The following SET variants were observed in gnomAD, a reference collection of about 807,000 sequenced individuals.
SET encodes protein SET.
In SET, 4 loss-of-function variants were observed where a neutral mutation model predicts 39.0. That is an observed-to-expected ratio of 0.10 (90% CI 0.05 to 0.23). SET has a LOEUF of 0.23. Among genes scored for constraint, SET ranks in the 10% least tolerant of loss-of-function variants. The probability of loss-of-function intolerance (pLI) is 1.00; values close to 1 mark genes in which losing one functional copy is unlikely to be tolerated. For synonymous variants in SET, 114 were observed against 115.9 expected, an observed-to-expected ratio of 0.98 and a Z score of 0.11; for missense variants, 137 against 329.7, an observed-to-expected ratio of 0.42 and a Z score of 4.53.
At chr9:128,691,777 G>A (rs1564360175) in intron 2 of SET, 81 bp from the exon 3 acceptor site, 1 of 1,371,584 alleles carries the variant, frequency 7.3e-7, no homozygotes, top group African/African-American at 1.4e-5. Context: ...AAGCTAGTAA[G>A]TAAATACACT....
At position 128,693,816 on chromosome 9, in the gene SET, C is replaced by G. The variant is rs746575818; in HGVS notation, c.663+8C>G. On this transcript the variant is annotated splice_region_variant and intron_variant, in intron 6 of 7. Coordinates refer to ENST00000322030, the MANE Select transcript of SET (RefSeq NM_003011.4). ...CCATTACAGTACTACTTGGTGAGTT[C>G]TAATACTCATTTATTCAAGGTTGGA... is the stretch of plus-strand genomic sequence containing the variant. 1 of 1,609,802 alleles carries G rather than the reference C, an allele frequency of 6.2e-7. No individual in the cohort carries two copies. The highest frequency in any genetic ancestry group is 8.5e-7 in the Non-Finnish European group (1 of 1,178,828).
In SET at chr9:128,693,931, A is replaced by G. The variant is rs1166965496; in HGVS notation, c.699A>G (p.Glu233=). Residue 233 remains glutamate, a synonymous_variant, in exon 7 of 8, where the codon GAA becomes GAG. Transcript: ENST00000322030. The part of the protein sequence containing the change: ...PDMDDEEGEG[E]EDDDDDEEEE... ...TGGATGATGAAGAAGGAGAAGGAGAAGAAGATGATGATGATGATGAAGAGG... is the reference window on the plus strand; with the variant it reads ...TGGATGATGAAGAAGGAGAAGGAGAGGAAGATGATGATGATGATGAAGAGG... The G allele has an allele frequency of 6.3e-7, 1 of 1,582,162 alleles. No homozygotes were observed. The highest frequency in any genetic ancestry group is 8.7e-7 in the Non-Finnish European group (1 of 1,151,762).
chr9:128,690,916 TGTA>T, intron 1 of SET: 2 of 537,212 alleles, frequency 3.7e-6, no homozygotes, highest in Non-Finnish European at 6.6e-6. Flanking sequence ...ATCGGTCTGT[TGTA>T]GTGAAACTCT....
chr9:128,689,953 C>G, intron 1 of SET: 2 of 641,838 alleles, frequency 3.1e-6, no homozygotes, highest in Non-Finnish European at 3.9e-6. Flanking sequence ...CCCCTCCCTC[C>G]CTCCCGAGAA....
rs890028392 is a variant in SET, at chr9:128,695,250, C to T, written c.*586C>T. 11 of 221,746 alleles carry T rather than the reference C, an allele frequency of 5.0e-5. No individual in the cohort carries two copies. The highest frequency in any genetic ancestry group is 2.4e-4 in the African/African-American group (11 of 44,916). The allele number at this position is 221,746 out of a possible 1,614,324, so 13.7% of individuals were successfully genotyped here. ...GGGCATTTTGACAACATGGCTTCTC[C>T]TTTGGCATGTTTAATTGTGATATTT... On this transcript the variant is annotated 3_prime_UTR_variant, in exon 8 of 8. Coordinates refer to ENST00000322030, the MANE Select transcript of SET (RefSeq NM_003011.4).
At chr9:128,693,014 C>T (rs1861602577) in intron 5 of SET, 33 bp downstream of exon 5, 3 of 1,405,670 alleles carry the variant, frequency 2.1e-6, no homozygotes, top group Non-Finnish European at 3.0e-6. Context: ...ACAAAAATAG[C>T]ATTTTGCCTA....
At chr9:128,685,517 T>A (rs1190237361), upstream of SET, among the ~76,000 whole-genome samples, 1 of 152,236 alleles carries the variant, frequency 6.6e-6, no homozygotes, top group African/African-American at 2.4e-5. Context: ...TGCCAGAAGC[T>A]GTGCCAAGCA....
At position 128,689,433 on chromosome 9, in the gene SET, AG is replaced by A; in HGVS notation, c.-145del. On this transcript the variant is annotated 5_prime_UTR_variant, in exon 1 of 8. Coordinates refer to ENST00000322030, the MANE Select transcript of SET (RefSeq NM_003011.4). ...CGAGGGTAGCGCGCGCGAGCGAGCG[AG>A]GGGGAGGGAGAGCGAGCGAGCGCCG... 2 of 275,590 alleles carry A rather than the reference AG, an allele frequency of 7.3e-6. No homozygotes were observed. Among genetic ancestry groups the A allele is most frequent in the Non-Finnish European group, 1.2e-5 (2 of 163,352 alleles). The allele number at this position is 275,590 out of a possible 1,614,324, so 17.1% of individuals were successfully genotyped here.
At chr9:128,690,049 G>C in intron 1 of SET, 1 of 978,026 alleles carries the variant, frequency 1.0e-6, no homozygotes, top group Non-Finnish European at 1.2e-6. Flanking sequence ...GCGGCCCCGC[G>C]CCCGACCTCC....
chr9:128,692,565 T>TGC, intron 3 of SET, 97 bp from the exon 4 acceptor site: 2 of 767,048 alleles, frequency 2.6e-6, no homozygotes, highest in Non-Finnish European at 4.6e-6. Context: ...AAACCAAAGA[T>TGC]GCTCACTAAG....
In SET at chr9:128,694,009, AGAT is replaced by A. The variant is rs1589462387; in HGVS notation, c.780_782del (p.Asp260del). ...AAGGGGATGAGGATGAAGGTGAAGA[AGAT>A]GAAGATGATGATGAAGGGGAGGAAG... On this transcript the variant is annotated inframe_deletion, in exon 7 of 8. Coordinates refer to ENST00000322030, the MANE Select transcript of SET (RefSeq NM_003011.4). 6.5e-7 allele frequency: 1 copy of A among 1,542,184 alleles called. No homozygotes were observed. Among genetic ancestry groups the A allele is most frequent in the Non-Finnish European group, 8.9e-7 (1 of 1,128,040 alleles).
upstream of SET, among the ~76,000 whole-genome samples, chr9:128,688,496 G>A (rs1861365623): frequency 6.6e-6 from 1 of 152,176 alleles, no homozygotes; most frequent in Admixed American, 6.5e-5. Flanking sequence ...TTAACGCTCA[G>A]TATGATTCTT....
chr9:128,689,539 T>G lies in SET; in HGVS notation c.-44T>G, dbSNP rs1028771744. ...GCTTGCCCGCCCCCTTCGCCTTCCCTTCTCTCCCCCTCCCCGCTCCCCCCC... is the reference window on the plus strand; with the variant it reads ...GCTTGCCCGCCCCCTTCGCCTTCCCGTCTCTCCCCCTCCCCGCTCCCCCCC... On this transcript the variant is annotated 5_prime_UTR_variant, in exon 1 of 8. Transcript: ENST00000322030. 10 of 984,706 alleles carry G rather than the reference T, an allele frequency of 1.0e-5. No homozygotes were observed. The highest frequency in any genetic ancestry group is 1.2e-5 in the Non-Finnish European group (9 of 731,426). 61.0% of individuals were successfully genotyped at this position (984,706 alleles called of 1,614,324 possible).
In SET at chr9:128,692,651, T is replaced by G. The variant is rs1176498740; in HGVS notation, c.275-11T>G. The G allele has an allele frequency of 6.3e-7, 1 of 1,579,766 alleles. No individual in the cohort carries two copies. The highest frequency in any genetic ancestry group is 8.7e-7 in the Non-Finnish European group (1 of 1,150,842). On this transcript the variant is annotated splice_polypyrimidine_tract_variant and intron_variant, in intron 3 of 7. Transcript: ENST00000322030. The stretch of plus-strand genomic sequence containing the variant: ...TTGAAAATTCAGCTGACCTGTAATT[T>G]TCTGGCCTAGTGTCTGCACTGCTTG...
chr9:128,684,385 G>A (rs1861217990), upstream of SET, among the ~76,000 whole-genome samples: 1 of 151,988 alleles, frequency 6.6e-6, no homozygotes, highest in African/African-American at 2.4e-5. Flanking sequence ...TCTCAGATCT[G>A]TCCACCTCTC....
chr9:128,685,079 A>C, upstream of SET: 12 of 1,535,592 alleles, frequency 7.8e-6, no homozygotes, highest in Non-Finnish European at 1.1e-5. Flanking sequence ...GGCAACTCTT[A>C]TGGAAGAAGC....
intron 7 of SET, among the ~76,000 whole-genome samples, 198 bp downstream of exon 7, chr9:128,694,240 T>G (rs12004630): frequency 0.97 from 147,066 of 151,806 alleles, 71,333 homozygotes; most frequent in Non-Finnish European, 1. Flanking sequence ...TTTTTTTTGG[T>G]TTTTTTTTGG....
rs1861418661 is a variant in SET, at chr9:128,689,494, G to C, written c.-89G>C. The C allele has an allele frequency of 1.5e-6, 1 of 668,248 alleles. No homozygotes were observed. Among genetic ancestry groups the C allele is most frequent in the Non-Finnish European group, 2.1e-6 (1 of 482,212 alleles). The allele number at this position is 668,248 out of a possible 1,614,324, so 41.4% of individuals were successfully genotyped here. On this transcript the variant is annotated 5_prime_UTR_variant, in exon 1 of 8. Coordinates refer to ENST00000322030, the MANE Select transcript of SET (RefSeq NM_003011.4). Reference sequence around the variant, plus strand: ...GGCCGGACCGAGCGGGCGCCCGCGCGTGTGGCGTGAGGGGAAGCCGCTTGC... The same window carrying C: ...GGCCGGACCGAGCGGGCGCCCGCGCCTGTGGCGTGAGGGGAAGCCGCTTGC...
At chr9:128,693,867 T>C (rs1306763570) in intron 6 of SET, 29 bp from the exon 7 acceptor site, 6 of 1,602,394 alleles carry the variant, frequency 3.7e-6, no homozygotes, top group Non-Finnish European at 5.1e-6. Context: ...TAAAAATGAG[T>C]CCTTATATTG....
Sources: allele counts gnomAD v4.1 joint callset (sites outside exome capture counted in the v4.1 genomes callset), GRCh38; gene constraint gnomAD v4.1.1; transcripts MANE v1.5; gene names NCBI Gene and HGNC (gene_info 2026-07-23, HGNC 2026-07-21).